The following ADARB2 variants were observed in gnomAD, a reference collection of about 807,000 sequenced individuals.
ADARB2 encodes the protein inactive double-stranded RNA-specific editase B2.
Under a neutral mutation model 62.2 loss-of-function variants are expected in ADARB2, and 25 were observed. That is an observed-to-expected ratio of 0.40 (90% CI 0.29 to 0.56). ADARB2 has a LOEUF of 0.56. Among genes scored for constraint, ADARB2 ranks in the 20% least tolerant of loss-of-function variants. The pLI is 0.43. For synonymous variants in ADARB2, 572 were observed against 500.8 expected (o/e 1.14, Z -1.90); for missense variants, 1,071 against 1,077.4 (o/e 0.99, Z 0.08).
At chr10:1,263,767 T>C (rs1831167098) in intron 4 of ADARB2, among the ~76,000 whole-genome samples, 1 of 152,240 alleles carries the variant, frequency 6.6e-6, no homozygotes, top group African/African-American at 2.4e-5. Flanking sequence ...TCTCCTTAGT[T>C]AATTCAGCCT....
rs1293552392 is a variant in ADARB2 at position 1,178,463 on chromosome 10, A to G, written c.*4730T>C. 1 of 152,246 alleles carries G rather than the reference A, an allele frequency of 6.6e-6. No individual in the cohort carries two copies. The highest frequency in any genetic ancestry group is 2.4e-5 in the African/African-American group (1 of 41,398). 9.4% of individuals were successfully genotyped at this position (152,246 alleles called of 1,614,324 possible). On this transcript the variant is annotated 3_prime_UTR_variant, in exon 10 of 10. Transcript: ENST00000381312. ...ATCCTTCCTTCACTTTCTCGGATTCAGAATTTGTGGGAGAAGTTTGACGGG... is the reference window on the plus strand; with the variant it reads ...ATCCTTCCTTCACTTTCTCGGATTCGGAATTTGTGGGAGAAGTTTGACGGG...
chr10:1,232,598 GTGGTAT>G (rs1460563637), intron 6 of ADARB2, among the ~76,000 whole-genome samples: 2 of 64,080 alleles, frequency 3.1e-5, no homozygotes, highest in African/African-American at 8.9e-5. Flanking sequence ...TGTGGTATAT[GTGGTAT>G]GTGTTTGTGG....
intron 1 of ADARB2, among the ~76,000 whole-genome samples, chr10:1,447,305 C>T (rs1007334202): frequency 2.6e-5 from 4 of 152,194 alleles, no homozygotes; most frequent in Non-Finnish European, 4.4e-5. Flanking sequence ...CTTTAGGTTT[C>T]AGTTTTCTCA....
chr10:1,322,978 T>C (rs1481446991), intron 3 of ADARB2, among the ~76,000 whole-genome samples: 1 of 152,202 alleles, frequency 6.6e-6, no homozygotes, highest in Non-Finnish European at 1.5e-5. Context: ...GACACTACCC[T>C]GATACACTTA....
rs1403353821 is a variant in ADARB2, at chr10:1,704,935, C to T, written c.100+32116G>A. On this transcript the variant is annotated intron_variant, in intron 1 of 9. Transcript: ENST00000381312. This position sits in a 1 kb window ranked among gnomAD's most constrained non-coding sequence, Gnocchi z 5.6. ...GGGGAGACCATGAGGGCGTGGGCAC[C>T]ACCCAGCCATGAGTCTCAGAGGCAA... Among the ~76,000 whole-genome samples, 1 of 152,014 alleles carries T rather than the reference C, an allele frequency of 6.6e-6. No homozygotes were observed. Among genetic ancestry groups the T allele is most frequent in the Non-Finnish European group, 1.5e-5 (1 of 68,010 alleles).
chr10:1,584,063 G>A (rs970740791), intron 1 of ADARB2, among the ~76,000 whole-genome samples: 4 of 152,144 alleles, frequency 2.6e-5, no homozygotes, highest in South Asian at 2.1e-4. Context: ...AGAAAATGTA[G>A]ATGACCTTAG....
At chr10:1,356,530 C>G (rs1426195459) in intron 3 of ADARB2, among the ~76,000 whole-genome samples, 1 of 152,180 alleles carries the variant, frequency 6.6e-6, no homozygotes, top group Non-Finnish European at 1.5e-5. Flanking sequence ...CTGCTTGTCC[C>G]CAGTGACTGA....
chr10:1,560,395 T>C (rs1832769817), intron 1 of ADARB2, among the ~76,000 whole-genome samples: 2 of 152,202 alleles, frequency 1.3e-5, no homozygotes, highest in Non-Finnish European at 2.9e-5. Flanking sequence ...GAAGGATGCA[T>C]TTCAATGACC....
chr10:1,510,079 CTT>C (rs1191669153), intron 1 of ADARB2, among the ~76,000 whole-genome samples: 1 of 147,586 alleles, frequency 6.8e-6, no homozygotes, highest in Non-Finnish European at 1.5e-5. Context: ...CTTTCTTTCT[CTT>C]TCTCTCTCTC....
chr10:1,519,376 C>T (rs998998329), intron 1 of ADARB2, among the ~76,000 whole-genome samples: 3 of 152,172 alleles, frequency 2.0e-5, no homozygotes, highest in South Asian at 2.1e-4. Flanking sequence ...TTCTGTGTAA[C>T]GACTGCAGGT....
intron 9 of ADARB2, 139 bp from the exon 10 acceptor site, chr10:1,183,508 T>C: frequency 1.9e-6 from 2 of 1,062,890 alleles, no homozygotes; most frequent in Non-Finnish European, 2.7e-6. Flanking sequence ...AGAGCAACTG[T>C]GACCAGGTCC....
chr10:1,258,826 C>T (rs139171423), intron 4 of ADARB2, among the ~76,000 whole-genome samples: 1 of 152,144 alleles, frequency 6.6e-6, no homozygotes, highest in African/African-American at 2.4e-5. Context: ...AAGTCTCCAC[C>T]CCAAATCAAC....
intron 1 of ADARB2, among the ~76,000 whole-genome samples, chr10:1,469,382 G>A (rs758186852): frequency 3.9e-5 from 6 of 152,072 alleles, no homozygotes; most frequent in Admixed American, 2.0e-4. Flanking sequence ...TTCTTTTTCA[G>A]TATTCTGATC....
At chr10:1,208,816 AT>A (rs1253100334) in intron 7 of ADARB2, among the ~76,000 whole-genome samples, 2 of 152,196 alleles carry the variant, frequency 1.3e-5, no homozygotes, top group Admixed American at 6.5e-5. Context: ...GGAGGGCCTG[AT>A]TTGTCGGGGG....
chr10:1,485,089 T>C (rs61831887), intron 1 of ADARB2, among the ~76,000 whole-genome samples: 5,729 of 152,102 alleles, frequency 0.038, 164 homozygotes, highest in Middle Eastern at 0.054. Context: ...TGGATTTCTA[T>C]GTGCACTTAT....
intron 1 of ADARB2, among the ~76,000 whole-genome samples, chr10:1,505,819 T>G (rs531260940): frequency 6.6e-6 from 1 of 152,212 alleles, no homozygotes; most frequent in African/African-American, 2.4e-5. Context: ...AGACATCTTC[T>G]TGAATTAGGA....
intron 1 of ADARB2, among the ~76,000 whole-genome samples, chr10:1,456,414 A>T (rs1337262575): frequency 6.6e-6 from 1 of 151,984 alleles, no homozygotes. Context: ...TACCAACCTA[A>T]AGTTTCCTCA....
chr10:1,558,243 T>C (rs1832733032), intron 1 of ADARB2, among the ~76,000 whole-genome samples: 1 of 148,602 alleles, frequency 6.7e-6, no homozygotes, highest in Non-Finnish European at 1.5e-5. Flanking sequence ...CCATGGGTGC[T>C]CAGACCCCGC....
At chr10:1,506,625 G>A (rs143604376) in intron 1 of ADARB2, among the ~76,000 whole-genome samples, 1 of 152,236 alleles carries the variant, frequency 6.6e-6, no homozygotes, top group Non-Finnish European at 1.5e-5. Flanking sequence ...AGGGTCTCAT[G>A]TGGCTGTCCA....
Sources: gnomAD v4.1 joint callset for allele counts (sites outside exome capture counted in the v4.1 genomes callset) on GRCh38, gnomAD v4.1.1 for gene constraint, Gnocchi (gnomAD v3.1) non-coding constraint, MANE v1.5 for transcripts, NCBI Gene and HGNC (gene_info 2026-07-23, HGNC 2026-07-21) for gene names.